The following EMSY variants were observed in gnomAD, a reference collection of about 807,000 sequenced individuals.
The protein encoded by EMSY is EMSY transcriptional repressor, BRCA2 interacting.
EMSY carries 26 observed loss-of-function variants against 134.6 expected under a neutral mutation model. The observed-to-expected ratio is 0.19, with a 90% CI of 0.14 to 0.27. The LOEUF (loss-of-function observed/expected upper bound fraction) is 0.27. Ranked by LOEUF, EMSY falls within the 10% of genes least tolerant of loss-of-function variation. The pLI, the probability that EMSY is intolerant of heterozygous loss-of-function variation, is 1.00. For missense variants in EMSY, 1,305 were observed against 1,611.4 expected (o/e 0.81, Z 3.26); for synonymous variants, 579 against 577.8 (o/e 1.00, Z -0.03).
At chr11:76,453,252 A>T (rs1947739556) in intron 3 of EMSY, 62 bp from the exon 4 acceptor site, 1 of 1,490,720 alleles carries the variant, frequency 6.7e-7, no homozygotes, top group South Asian at 1.2e-5. Context: ...TTAAACATTA[A>T]TGAAAGTATA....
intron 11 of EMSY, among the ~76,000 whole-genome samples, chr11:76,518,705 T>TATATATATATATATATATATATATA (rs1406438858): frequency 9.9e-5 from 8 of 80,742 alleles, no homozygotes; most frequent in Non-Finnish European, 1.9e-4. Flanking sequence ...ATATATATAT[T>TATATATATATATATATATATATATA]TTTTTTTTAA....
chr11:76,458,097 A>T, intron 4 of EMSY, 86 bp from the exon 6 acceptor site: 1 of 1,294,926 alleles, frequency 7.7e-7, no homozygotes, highest in Non-Finnish European at 1.0e-6. Flanking sequence ...TTTATAATTT[A>T]AAAAGTTATA....
intron 4 of EMSY, among the ~76,000 whole-genome samples, chr11:76,454,395 A>G (rs977255952): frequency 6.6e-6 from 1 of 151,970 alleles, no homozygotes; most frequent in Admixed American, 6.6e-5. Flanking sequence ...GAAATTTGGG[A>G]ATTTTCTATT....
intron 13 of EMSY, 55 bp downstream of exon 14, chr11:76,526,690 T>A (rs1047568986): frequency 6.9e-7 from 1 of 1,442,670 alleles, no homozygotes; most frequent in South Asian, 1.4e-5. Context: ...TCAATTCTTA[T>A]AATTCCCGGG....
chr11:76,546,721 G>A (rs1481976551), intron 20 of EMSY, among the ~76,000 whole-genome samples: 1 of 152,102 alleles, frequency 6.6e-6, no homozygotes, highest in Non-Finnish European at 1.5e-5. Flanking sequence ...TAATTTGGGG[G>A]ACCCTTTTCT....
chr11:76,446,663 G>A (rs1947425325), intron 1 of EMSY, among the ~76,000 whole-genome samples: 1 of 152,204 alleles, frequency 6.6e-6, no homozygotes, highest in Non-Finnish European at 1.5e-5. Flanking sequence ...TTGAAAAGTT[G>A]GGACTAGAAA....
At chr11:76,512,962 A>C (rs1003103975) in intron 9 of EMSY, among the ~76,000 whole-genome samples, 74 of 152,176 alleles carry the variant, frequency 4.9e-4, no homozygotes, top group African/African-American at 1.7e-3. Context: ...TGTAAGTTTA[A>C]GGAGTTGTGT....
At chr11:76,536,599 C>T (rs1398607196) in intron 15 of EMSY, among the ~76,000 whole-genome samples, 1 of 152,120 alleles carries the variant, frequency 6.6e-6, no homozygotes, top group Non-Finnish European at 1.5e-5. Context: ...GCAAAGTTGT[C>T]CTCATATAAC....
At chr11:76,504,001 G>A (rs12294977) in intron 9 of EMSY, among the ~76,000 whole-genome samples, 49 of 151,476 alleles carry the variant, frequency 3.2e-4, no homozygotes, top group African/African-American at 1.2e-3. Context: ...GGCCAAGCTG[G>A]TCTCAAACTC....
intron 8 of EMSY, among the ~76,000 whole-genome samples, chr11:76,474,542 C>T (rs1331799648): frequency 2.0e-5 from 3 of 152,128 alleles, no homozygotes; most frequent in Admixed American, 1.3e-4. Flanking sequence ...GAAGGGATTA[C>T]ATAGATATGG....
chr11:76,495,382 T>C (rs560682418), intron 8 of EMSY, among the ~76,000 whole-genome samples: 1 of 152,352 alleles, frequency 6.6e-6, no homozygotes, highest in African/African-American at 2.4e-5. Context: ...TATTCCAGGT[T>C]CTCTCAGTTA....
At chr11:76,491,470 T>G (rs910920187) in intron 8 of EMSY, among the ~76,000 whole-genome samples, 18 of 152,150 alleles carry the variant, frequency 1.2e-4, no homozygotes, top group African/African-American at 4.3e-4. Flanking sequence ...CATGAGCCAC[T>G]GTGTCCAGCC....
chr11:76,545,293 G>T (rs995089306), intron 19 of EMSY, among the ~76,000 whole-genome samples: 5 of 152,202 alleles, frequency 3.3e-5, no homozygotes, highest in Non-Finnish European at 7.4e-5. Context: ...CTAGATTACA[G>T]AGGAATTATT....
At chr11:76,494,019 T>G (rs1373151853) in intron 8 of EMSY, among the ~76,000 whole-genome samples, 3 of 152,222 alleles carry the variant, frequency 2.0e-5, no homozygotes, top group Non-Finnish European at 1.5e-5. Context: ...GGCGCCACTG[T>G]GTTCTCGTTC....
At chr11:76,450,576 C>T (rs2054634905) in intron 2 of EMSY, among the ~76,000 whole-genome samples, 1 of 151,754 alleles carries the variant, frequency 6.6e-6, no homozygotes, top group Non-Finnish European at 1.5e-5. Context: ...ACCACATCCT[C>T]AACCTCCCAG....
chr11:76,522,020 C>T (rs1950655950), intron 11 of EMSY, among the ~76,000 whole-genome samples: 1 of 151,500 alleles, frequency 6.6e-6, no homozygotes, highest in Non-Finnish European at 1.5e-5. Flanking sequence ...CAAGACCTTG[C>T]CTTAAAAAAA....
At chr11:76,533,519 G>A (rs1191546360) in intron 14 of EMSY, among the ~76,000 whole-genome samples, 2 of 152,112 alleles carry the variant, frequency 1.3e-5, no homozygotes, top group Non-Finnish European at 2.9e-5. Context: ...TGGGAATATT[G>A]TGAAGATTAT....
chr11:76,469,227 C>T (rs1335686342), intron 7 of EMSY, among the ~76,000 whole-genome samples: 1 of 152,184 alleles, frequency 6.6e-6, no homozygotes, highest in Non-Finnish European at 1.5e-5. Flanking sequence ...GAATGCTTCC[C>T]TTGCCCTTGC....
intron 14 of EMSY, among the ~76,000 whole-genome samples, chr11:76,529,644 T>C (rs1022600424): frequency 1.3e-5 from 2 of 151,882 alleles, no homozygotes; most frequent in East Asian, 3.8e-4. Context: ...TGCCAAAGAC[T>C]GAAAGTTGAC....
Sources: allele counts gnomAD v4.1 joint callset (sites outside exome capture counted in the v4.1 genomes callset), GRCh38; gene constraint gnomAD v4.1.1; transcripts MANE v1.5; gene names NCBI Gene and HGNC (gene_info 2026-07-23, HGNC 2026-07-21).